Variants in TEX11 observed in about 807,000 individuals in gnomAD.
The protein encoded by TEX11 is testis-expressed protein 11.
In TEX11, 7 loss-of-function variants were observed where a neutral mutation model predicts 84.4. The ratio of observed to expected loss-of-function variants is 0.08; its 90% confidence interval spans 0.05 to 0.16. The LOEUF is 0.16. TEX11 is among the 10% of genes least tolerant of loss of function. The pLI, the probability that TEX11 is intolerant of heterozygous loss-of-function variation, is 1.00. For synonymous variants in TEX11, 264 were observed against 222.8 expected, an observed-to-expected ratio of 1.18 and a Z score of -1.64; for missense variants, 551 against 660.5, an observed-to-expected ratio of 0.83 and a Z score of 1.82.
At chrX:70,906,580 G>T (rs907723060) in intron 2 of TEX11, among the ~76,000 whole-genome samples, 3 of 111,054 alleles carry the variant, frequency 2.7e-5, no homozygotes, top group African/African-American at 9.8e-5. Flanking sequence ...CTGAAGTCAG[G>T]AGTTCGAGAC....
intron 8 of TEX11, among the ~76,000 whole-genome samples, chrX:70,824,793 G>A (rs1314366531): frequency 9.0e-6 from 1 of 111,650 alleles, no homozygotes; most frequent in African/African-American, 3.3e-5. Flanking sequence ...TTTGATAACT[G>A]AGCTAACAGA....
intron 4 of TEX11, 125 bp from the exon 5 acceptor site, chrX:70,861,061 CTTTTT>C: frequency 1.0e-3 from 240 of 237,845 alleles, no homozygotes; most frequent in East Asian, 3.0e-3. Flanking sequence ...TTGTAAAGGC[CTTTTT>C]TTTTTTTTTT....
intron 8 of TEX11, among the ~76,000 whole-genome samples, chrX:70,808,982 T>G (rs1395532123): frequency 1.8e-5 from 2 of 111,235 alleles, no homozygotes; most frequent in African/African-American, 3.3e-5. Flanking sequence ...ATTTAGGGAG[T>G]AAAATCAGAA....
chrX:70,800,118 A>G (rs909004202), intron 9 of TEX11, among the ~76,000 whole-genome samples: 1 of 111,643 alleles, frequency 9.0e-6, no homozygotes, highest in Non-Finnish European at 1.9e-5. Flanking sequence ...CTCCATTTCA[A>G]TGTAAATATA....
At chrX:70,513,387 T>C in the TEX11 span, among the ~76,000 whole-genome samples, 1 of 105,127 alleles carries the variant, frequency 9.5e-6, no homozygotes, top group Non-Finnish European at 1.9e-5. Flanking sequence ...ATACATAATA[T>C]ATGTAATGTA....
At chrX:70,714,522 T>C (rs372610426) in intron 13 of TEX11, among the ~76,000 whole-genome samples, 1 of 111,776 alleles carries the variant, frequency 8.9e-6, no homozygotes, top group Non-Finnish European at 1.9e-5. Context: ...CTTCTTTTTG[T>C]ATTGATCCCT....
At chrX:70,798,043 T>C (rs1320657671) in intron 9 of TEX11, among the ~76,000 whole-genome samples, 1 of 104,908 alleles carries the variant, frequency 9.5e-6, no homozygotes, top group Admixed American at 1.1e-4. Context: ...GGGAAAGGCA[T>C]TCAAATTTGA....
intron 25 of TEX11, among the ~76,000 whole-genome samples, chrX:70,564,620 G>A (rs1030428317): frequency 2.1e-5 from 2 of 96,122 alleles, no homozygotes; most frequent in Non-Finnish European, 4.0e-5. Context: ...TATTCTCATC[G>A]TTCAATTCCC....
rs939178381 is a variant in TEX11 at position 70,806,033 on chromosome X, C to T, written c.692+672G>A. ...TTTTAGCCAATACTACTCCCAATCACACCTCCACCTTATACTCTGGTGTTG... is the reference window on the plus strand; with the variant it reads ...TTTTAGCCAATACTACTCCCAATCATACCTCCACCTTATACTCTGGTGTTG... On this transcript the variant is annotated intron_variant, in intron 9 of 29. Coordinates refer to ENST00000374333, the MANE Select transcript of TEX11 (RefSeq NM_031276.3). Among the ~76,000 whole-genome samples, 4 of 112,025 alleles carry T rather than the reference C, an allele frequency of 3.6e-5. No homozygotes were observed. The Admixed American group carries it at 3.8e-4, about 11-fold the overall frequency.
rs1308422471 is a variant in TEX11, at chrX:70,670,282, A to G, written c.1380+95T>C. ...ATATGAGGGAACTCTCAGACATCCT[A>G]AACTAACAGCCAGGAAGTCACAGCA... On this transcript the variant is annotated intron_variant, in intron 16 of 29. Transcript: ENST00000374333. 9 of 997,180 alleles carry G rather than the reference A, an allele frequency of 9.0e-6. No homozygotes were observed. The Admixed American group carries it at 2.6e-4, about 28-fold the overall frequency. The allele number at this position is 997,180 out of a possible 1,213,427, so 82.2% of individuals were successfully genotyped here. A position where few individuals can be genotyped will look rare whatever the true frequency, so the allele number is the denominator to read the frequency against.
intron 9 of TEX11, among the ~76,000 whole-genome samples, chrX:70,785,663 T>C (rs1037383005): frequency 8.9e-6 from 1 of 112,153 alleles, no homozygotes; most frequent in Non-Finnish European, 1.9e-5. Flanking sequence ...GTGAAGGATA[T>C]GAACAGACAC....
chrX:70,528,003 C>T (rs2087838980), downstream of TEX11, among the ~76,000 whole-genome samples: 1 of 111,798 alleles, frequency 8.9e-6, no homozygotes, highest in African/African-American at 3.3e-5. Context: ...GCCAGTCTAC[C>T]CAGAAAGAGG....
At chrX:70,785,759 C>G (rs1343102771) in intron 9 of TEX11, among the ~76,000 whole-genome samples, 7 of 111,934 alleles carry the variant, frequency 6.3e-5, no homozygotes, top group Non-Finnish European at 1.1e-4. Context: ...CAAATCAAAA[C>G]CACAATGAGA....
chrX:70,637,191 A>G (rs962391136), intron 17 of TEX11, among the ~76,000 whole-genome samples: 1 of 112,399 alleles, frequency 8.9e-6, no homozygotes, highest in Non-Finnish European at 1.9e-5. Context: ...AATCAAAACC[A>G]CAATGAGATA....
At chrX:70,801,625 T>TTTTCTTTCTTTC (rs200925505) in intron 9 of TEX11, among the ~76,000 whole-genome samples, 7 of 88,757 alleles carry the variant, frequency 7.9e-5, no homozygotes, top group Non-Finnish European at 1.5e-4. Flanking sequence ...TTTTCTTTTA[T>TTTTCTTTCTTTC]TTTCTTTCTT....
intron 9 of TEX11, among the ~76,000 whole-genome samples, chrX:70,760,835 G>A (rs990385751): frequency 9.0e-6 from 1 of 111,531 alleles, no homozygotes. Flanking sequence ...CTACAGAATG[G>A]GAGAAAATTT....
At chrX:70,785,114 G>C (rs957328393) in intron 9 of TEX11, among the ~76,000 whole-genome samples, 3 of 111,725 alleles carry the variant, frequency 2.7e-5, no homozygotes, top group Admixed American at 9.6e-5. Context: ...GCATGACACT[G>C]GTACTAAAGC....
At chrX:70,600,073 T>C (rs1042301824) in intron 24 of TEX11, among the ~76,000 whole-genome samples, 1 of 111,408 alleles carries the variant, frequency 9.0e-6, no homozygotes, top group African/African-American at 3.3e-5. Flanking sequence ...TTTCTAGTTC[T>C]AGATCCCTGA....
intron 13 of TEX11, among the ~76,000 whole-genome samples, chrX:70,701,024 T>C (rs888770855): frequency 9.0e-6 from 1 of 111,704 alleles, no homozygotes; most frequent in Non-Finnish European, 1.9e-5. Context: ...CAGAGGTTCG[T>C]TCTTGTGGTT....
Sources: allele counts gnomAD v4.1 joint callset (sites outside exome capture counted in the v4.1 genomes callset), GRCh38; gene constraint gnomAD v4.1.1; transcripts MANE v1.5; gene names NCBI Gene and HGNC (gene_info 2026-07-23, HGNC 2026-07-21).